CCDC81: variants seen among roughly 807,000 people sequenced by gnomAD.
The protein encoded by CCDC81 is coiled-coil domain-containing protein 81.
Under a neutral mutation model 83.7 loss-of-function variants are expected in CCDC81, and 79 were observed. The ratio of observed to expected loss-of-function variants is 0.94; its 90% CI spans 0.79 to 1.14. The LOEUF (loss-of-function observed/expected upper bound fraction) is 1.14. Ranked by LOEUF, CCDC81 falls within the 50% of genes most tolerant of loss-of-function variation. The pLI, the probability that CCDC81 is intolerant of heterozygous loss-of-function variation, is 0.00. For missense variants in CCDC81, 791 were observed against 778.1 expected (o/e 1.02, Z -0.20); for synonymous variants, 252 against 278.1 (o/e 0.91, Z 0.93).
intron 6 of CCDC81, 38 bp from the exon 7 acceptor site, chr11:86,400,640 G>A: frequency 6.4e-7 from 1 of 1,567,172 alleles, no homozygotes; most frequent in African/African-American, 1.3e-5. Context: ...TTTGAGAGTT[G>A]AAAGGAGACT....
intron 3 of CCDC81, among the ~76,000 whole-genome samples, chr11:86,391,679 T>C (rs1948331114): frequency 6.6e-6 from 1 of 152,234 alleles, no homozygotes; most frequent in Non-Finnish European, 1.5e-5. Flanking sequence ...TGGGTATCTT[T>C]TCAAAATATT....
chr11:86,402,052 G>A (rs528091860), intron 7 of CCDC81, among the ~76,000 whole-genome samples: 5 of 146,056 alleles, frequency 3.4e-5, no homozygotes, highest in African/African-American at 1.3e-4. Flanking sequence ...GGAGAATGGC[G>A]TGAACCCGGG....
intron 7 of CCDC81, among the ~76,000 whole-genome samples, chr11:86,403,105 C>T (rs1322807573): frequency 2.8e-5 from 4 of 142,410 alleles, no homozygotes; most frequent in East Asian, 4.1e-4. Context: ...CCTCCCACTT[C>T]GGTCTCTCAA....
intron 9 of CCDC81, 103 bp downstream of exon 9, chr11:86,408,373 C>T: frequency 8.6e-7 from 1 of 1,165,100 alleles, no homozygotes; most frequent in Non-Finnish European, 1.2e-6. Context: ...CACTCTGTCA[C>T]CCAGGTTGGA....
At position 86,394,654 on chromosome 11, in the gene CCDC81, A is replaced by G. The variant is rs1472840303; in HGVS notation, c.556-680A>G. 5.3e-5 allele frequency among the ~76,000 whole-genome samples: 8 copies of G among 152,352 alleles called. No individual in the cohort carries two copies. The East Asian group carries it at 1.2e-3, about 22-fold the overall frequency. On this transcript the variant is annotated intron_variant, in intron 4 of 14. Coordinates refer to ENST00000445632, the MANE Select transcript of CCDC81 (RefSeq NM_001156474.2). ...GCTGCTTTTATTAGAAATATTTTCT[A>G]TACTTCTTTTTGGGAATTCACTTCA...
rs192435956 is a variant in CCDC81, at chr11:86,389,780, T to C, written c.298+2108T>C. Among the ~76,000 whole-genome samples, 448 of 152,336 alleles carry C rather than the reference T, an allele frequency of 2.9e-3. 3 individuals are homozygous for C. The highest frequency in any genetic ancestry group is 5.3e-3 in the Non-Finnish European group (359 of 68,024). On this transcript the variant is annotated intron_variant, in intron 3 of 14. Coordinates refer to ENST00000445632, the MANE Select transcript of CCDC81 (RefSeq NM_001156474.2). Reference sequence around the variant, plus strand: ...GTGGTTTTTAAATATTAGTAAGACATAGTTCTTTTAAATCTAGCATAGATA... The same window carrying C: ...GTGGTTTTTAAATATTAGTAAGACACAGTTCTTTTAAATCTAGCATAGATA...
intron 1 of CCDC81, among the ~76,000 whole-genome samples, chr11:86,379,594 T>C (rs1289159685): frequency 6.6e-6 from 1 of 152,228 alleles, no homozygotes; most frequent in Non-Finnish European, 1.5e-5. Context: ...TATATAAATG[T>C]AAATATATAT....
At chr11:86,396,239 T>C (rs1461423371) in intron 5 of CCDC81, among the ~76,000 whole-genome samples, 1 of 152,228 alleles carries the variant, frequency 6.6e-6, no homozygotes, top group Non-Finnish European at 1.5e-5. Flanking sequence ...GTGACTTATG[T>C]ATTATAATTC....
chr11:86,382,169 G>A (rs927307617), intron 1 of CCDC81, among the ~76,000 whole-genome samples: 2 of 152,150 alleles, frequency 1.3e-5, no homozygotes, highest in African/African-American at 4.8e-5. Context: ...TGAGCTGGAG[G>A]TCAAGGAGAA....
intron 3 of CCDC81, among the ~76,000 whole-genome samples, chr11:86,391,381 C>T (rs901792984): frequency 8.5e-5 from 13 of 152,180 alleles, no homozygotes; most frequent in African/African-American, 3.1e-4. Flanking sequence ...AGAATATTCT[C>T]ATCTTCTCTA....
chr11:86,391,993 T>A (rs1171420260), intron 3 of CCDC81, among the ~76,000 whole-genome samples: 1 of 152,154 alleles, frequency 6.6e-6, no homozygotes, highest in Non-Finnish European at 1.5e-5. Context: ...CCAGATTTCA[T>A]GATAGCTCAC....
intron 10 of CCDC81, 54 bp downstream of exon 10, chr11:86,409,419 G>A: frequency 4.8e-6 from 4 of 825,388 alleles, no homozygotes; most frequent in Non-Finnish European, 7.6e-6. Flanking sequence ...GTGAGCCTTT[G>A]GATCCACTCC....
At chr11:86,395,187 T>G in intron 4 of CCDC81, 147 bp from the exon 5 acceptor site, 1 of 568,194 alleles carries the variant, frequency 1.8e-6, no homozygotes, top group Non-Finnish European at 3.1e-6. Flanking sequence ...CCTCATTGGA[T>G]TTTTAAGCTC....
Position 86,387,501 on chromosome 11 carries a change from G to A in CCDC81, c.142-15G>A, listed in dbSNP as rs528561748. ...CCTTCAATGAATTCTGTTTTGTTTTGTTTTTTCCTTTCAGGGGGTTCAGAT... is the reference window on the plus strand; with the variant it reads ...CCTTCAATGAATTCTGTTTTGTTTTATTTTTTCCTTTCAGGGGGTTCAGAT... On this transcript the variant is annotated splice_polypyrimidine_tract_variant and intron_variant, in intron 2 of 14. Transcript: ENST00000445632. The A allele has an allele frequency of 1.4e-5, 22 of 1,611,770 alleles. No homozygotes were observed. Among genetic ancestry groups the A allele is most frequent in the Admixed American group, 1.0e-4 (6 of 59,652 alleles).
At position 86,392,831 on chromosome 11, in the gene CCDC81, C is replaced by G. The variant is rs888476878; in HGVS notation, c.555+34C>G. The stretch of plus-strand genomic sequence containing the variant: ...ATATTTTCCTTCTCCTAAGTCTTCT[C>G]CTAATTGTGGTTCTGACTCATCTAT... On this transcript the variant is annotated intron_variant, in intron 4 of 14. Coordinates refer to ENST00000445632, the MANE Select transcript of CCDC81 (RefSeq NM_001156474.2). 3.3e-6 allele frequency: 5 copies of G among 1,532,270 alleles called. No homozygotes were observed. The African/African-American group carries it at 6.9e-5, about 21-fold the overall frequency. The allele number at this position is 1,532,270 out of a possible 1,614,324, so 94.9% of individuals were successfully genotyped here. A position where few individuals can be genotyped will look rare whatever the true frequency, so the allele number is the denominator to read the frequency against.
intron 1 of CCDC81, among the ~76,000 whole-genome samples, chr11:86,385,818 G>GTAT (rs1176312885): frequency 2.0e-5 from 3 of 152,072 alleles, no homozygotes; most frequent in East Asian, 1.9e-4. Flanking sequence ...CTTTAAAAAT[G>GTAT]TATTATTATT....
rs1948388496 is a variant in CCDC81 at position 86,395,238 on chromosome 11, TA to T, written c.556-95del. On this transcript the variant is annotated intron_variant, in intron 4 of 14. Transcript: ENST00000445632. ...TTAACATAAACAACAACAAGAAAAG[TA>T]TCGTGGTAGCCTTGCCTATGAGCCT... is the stretch of plus-strand genomic sequence containing the variant. The T allele has an allele frequency of 7.1e-6, 6 of 850,738 alleles. No homozygotes were observed. The South Asian group carries it at 9.8e-5, about 14-fold the overall frequency. The allele number at this position is 850,738 out of a possible 1,614,324, so 52.7% of individuals were successfully genotyped here. A position where few individuals can be genotyped will look rare whatever the true frequency, so the allele number is the denominator to read the frequency against.
intron 11 of CCDC81, 65 bp downstream of exon 11, chr11:86,412,624 G>A: frequency 4.3e-6 from 6 of 1,398,548 alleles, no homozygotes; most frequent in Non-Finnish European, 5.8e-6. Context: ...TACTTTTCAT[G>A]TAGGATTGAA....
intron 13 of CCDC81, chr11:86,419,448 C>A (rs1379637806): frequency 6.6e-6 from 1 of 152,260 alleles, no homozygotes; most frequent in Non-Finnish European, 1.5e-5. Context: ...TCTCTATTTT[C>A]TTTTCCCTTG....
Sources: gnomAD v4.1 joint callset for allele counts (sites outside exome capture counted in the v4.1 genomes callset) on GRCh38, gnomAD v4.1.1 for gene constraint, MANE v1.5 for transcripts, NCBI Gene and HGNC (gene_info 2026-07-23, HGNC 2026-07-21) for gene names.